The following SH3BP2 variants were observed in gnomAD, a reference collection of about 807,000 sequenced individuals.
SH3BP2 encodes SH3 domain-binding protein 2.
A neutral mutation model predicts 56.2 loss-of-function variants in SH3BP2; 38 were observed. That is an observed-to-expected ratio of 0.68 (90% CI 0.52 to 0.89). The LOEUF (loss-of-function observed/expected upper bound fraction) is 0.89. Ranked by LOEUF, SH3BP2 falls within the 40% of genes least tolerant of loss-of-function variation. SH3BP2 has a pLI of 0.00. For synonymous variants in SH3BP2, 346 were observed against 316.7 expected (o/e 1.09, Z -0.98); for missense variants, 748 against 762.6 (o/e 0.98, Z 0.23).
In SH3BP2 at chr4:2,831,958, G is replaced by A. The variant is rs139409304; in HGVS notation, c.1386G>A (p.Thr462=). ...PLPNSVFVNT[T]ESCEVERLFK... is the part of the protein sequence containing the mutation. ...CCAACTCGGTCTTCGTCAACACCACGGAGTCCTGCGAAGTGGAAAGGTCAG... is the reference window on the plus strand; with the variant it reads ...CCAACTCGGTCTTCGTCAACACCACAGAGTCCTGCGAAGTGGAAAGGTCAG... Residue 462 remains threonine (T), a synonymous_variant, in exon 10 of 13, where the codon ACG becomes ACA. Transcript: ENST00000503393. This position sits in a 1 kb window ranked among gnomAD's most constrained non-coding sequence, Gnocchi z 4.1. 6.8e-5 allele frequency: 110 copies of A among 1,612,896 alleles called. 1 individual carries two copies. The South Asian group carries it at 8.0e-4, about 12-fold the overall frequency.
At chr4:2,818,667 CG>C in intron 1 of SH3BP2, 1 of 983,152 alleles carries the variant, frequency 1.0e-6, no homozygotes, top group Non-Finnish European at 1.2e-6. Flanking sequence ...TCCTTCGGGC[CG>C]GGCGCGGTTG....
intron 1 of SH3BP2, among the ~76,000 whole-genome samples, chr4:2,815,344 G>C (rs1214058543): frequency 1.3e-5 from 2 of 152,202 alleles, no homozygotes; most frequent in Admixed American, 6.5e-5. Flanking sequence ...TCCCTGAAGC[G>C]AGGAATTCCC....
chr4:2,800,701 G>T (rs1208238896), intron 1 of SH3BP2, among the ~76,000 whole-genome samples: 1 of 152,160 alleles, frequency 6.6e-6, no homozygotes, highest in Non-Finnish European at 1.5e-5. Context: ...GGCTGTGGTG[G>T]TTGGGGACCC....
At position 2,840,793 on chromosome 4, in the gene SH3BP2, G is replaced by T. The variant is rs914910131; in HGVS notation, c.*6959G>T. Reference sequence around the variant, plus strand: ...TTTATTATAGCTATCAATCAGTTTTGGGAAAATTGACGTCTTTACAATATT... The same window carrying T: ...TTTATTATAGCTATCAATCAGTTTTTGGAAAATTGACGTCTTTACAATATT... On this transcript the variant is annotated 3_prime_UTR_variant, in exon 13 of 13. Coordinates refer to ENST00000503393, the MANE Select transcript of SH3BP2 (RefSeq NM_001122681.2). 6.6e-6 allele frequency: 1 copy of T among 152,100 alleles called. No homozygotes were observed. The highest frequency in any genetic ancestry group is 1.5e-5 in the Non-Finnish European group (1 of 68,038). The allele number at this position is 152,100 out of a possible 1,614,324, so 9.4% of individuals were successfully genotyped here. A position where few individuals can be genotyped will look rare whatever the true frequency, so the allele number is the denominator to read the frequency against.
chr4:2,798,318 G>A (rs559226291), intron 1 of SH3BP2, among the ~76,000 whole-genome samples: 3 of 152,360 alleles, frequency 2.0e-5, no homozygotes, highest in African/African-American at 7.2e-5. Context: ...TGTGCCACCA[G>A]GGCTTTGGGT....
rs753112709 is a variant in SH3BP2 at position 2,824,750 on chromosome 4, C to A, written c.357+20C>A. ...CGCAAGGTGACTGGGGGTCCGAGGA[C>A]GAGTGCAAGGTGACTGGGGGTGTGG... On this transcript the variant is annotated intron_variant, in intron 4 of 12. Transcript: ENST00000503393. 2.6e-6 allele frequency: 4 copies of A among 1,562,046 alleles called. No individual in the cohort carries two copies. In the East Asian group the frequency reaches 6.7e-5, roughly 26 times the overall value.
chr4:2,826,751 T>C, intron 5 of SH3BP2: 1 of 367,646 alleles, frequency 2.7e-6, no homozygotes, highest in South Asian at 2.0e-5. Flanking sequence ...CGCGTGTTGC[T>C]TGTGTTTGTG....
intron 8 of SH3BP2, among the ~76,000 whole-genome samples, chr4:2,830,980 G>T (rs1423174414): frequency 6.6e-6 from 1 of 152,246 alleles, no homozygotes; most frequent in African/African-American, 2.4e-5. Flanking sequence ...TTCACCAAGG[G>T]CTGCAGAGAT....
intron 1 of SH3BP2, 82 bp from the exon 2 acceptor site, chr4:2,820,532 G>C (rs541709721): frequency 6.4e-7 from 1 of 1,551,556 alleles, no homozygotes; most frequent in Admixed American, 1.7e-5. Context: ...CCTGGATCTT[G>C]GCAGTGTCCC....
chr4:2,811,715 GGGATAGAGTA>G (rs1162184227), intron 1 of SH3BP2: 1 of 155,742 alleles, frequency 6.4e-6, no homozygotes, highest in African/African-American at 2.4e-5. Flanking sequence ...GAAAAGGCTG[GGGATAGAGTA>G]GGAATCGAGG....
intron 1 of SH3BP2, among the ~76,000 whole-genome samples, chr4:2,814,144 G>A (rs1363990822): frequency 2.0e-5 from 3 of 152,346 alleles, no homozygotes; most frequent in Admixed American, 1.3e-4. Flanking sequence ...GTGTGCATGC[G>A]AGCTGTGCAG....
rs202005559 is a variant in SH3BP2 at position 2,833,685 on chromosome 4, C to T, written c.1549-12C>T. 6.2e-7 allele frequency: 1 copy of T among 1,608,810 alleles called. No homozygotes were observed. The highest frequency in any genetic ancestry group is 8.5e-7 in the Non-Finnish European group (1 of 1,177,706). On this transcript the variant is annotated splice_polypyrimidine_tract_variant and intron_variant, in intron 12 of 12. Coordinates refer to ENST00000503393, the MANE Select transcript of SH3BP2 (RefSeq NM_001122681.2). Reference sequence around the variant, plus strand: ...TGGCCCTGCTGACGCTCCCCCTTCTCTTCCCCCACAGGACTCTAAGTTCTA... The same window carrying T: ...TGGCCCTGCTGACGCTCCCCCTTCTTTTCCCCCACAGGACTCTAAGTTCTA...
chr4:2,830,624 A>G (rs1560111962), intron 8 of SH3BP2, among the ~76,000 whole-genome samples: 1 of 152,168 alleles, frequency 6.6e-6, no homozygotes, highest in Admixed American at 6.5e-5. Flanking sequence ...CGGCCTCTCA[A>G]AGTGTAGAGA....
At chr4:2,825,375 C>T (rs898126862) in intron 5 of SH3BP2, among the ~76,000 whole-genome samples, 179 bp downstream of exon 5, 2 of 152,128 alleles carry the variant, frequency 1.3e-5, no homozygotes, top group Non-Finnish European at 1.5e-5. Context: ...AGATACAGGA[C>T]AAGCACAGAT....
chr4:2,824,610 C>A lies in SH3BP2; in HGVS notation c.240-3C>A. The A allele has an allele frequency of 6.2e-7, 1 of 1,612,296 alleles. No individual in the cohort carries two copies. ...GCCGTGACCCCTGGCGCTGTGCCCC[C>A]AGGGTGATGCGGGCGGCTGAGGAGA... On this transcript the variant is annotated splice_polypyrimidine_tract_variant and splice_region_variant and intron_variant, in intron 3 of 12. Coordinates refer to ENST00000503393, the MANE Select transcript of SH3BP2 (RefSeq NM_001122681.2).
intron 1 of SH3BP2, among the ~76,000 whole-genome samples, chr4:2,819,630 G>A (rs1406011363): frequency 6.6e-6 from 1 of 152,154 alleles, no homozygotes; most frequent in Non-Finnish European, 1.5e-5. Context: ...GGCAGGCACA[G>A]ACCAAACAGT....
At chr4:2,793,879 C>T (rs1313737916) in intron 1 of SH3BP2, 1 of 152,326 alleles carries the variant, frequency 6.6e-6, no homozygotes, top group African/African-American at 2.4e-5. Flanking sequence ...GCTGGCCTCC[C>T]TGCAGCCCAG....
At chr4:2,802,655 A>G (rs1254348304) in intron 1 of SH3BP2, among the ~76,000 whole-genome samples, 2 of 144,848 alleles carry the variant, frequency 1.4e-5, no homozygotes, top group East Asian at 2.0e-4. Flanking sequence ...ATATATATGT[A>G]TATGTGTGTG....
At position 2,841,049 on chromosome 4, in the gene SH3BP2, T is replaced by C. The variant is rs577197876; in HGVS notation, c.*7215T>C. 3.3e-4 allele frequency: 50 copies of C among 152,326 alleles called. No individual in the cohort carries two copies. The highest frequency in any genetic ancestry group is 1.2e-3 in the African/African-American group (49 of 41,578). 9.4% of individuals were successfully genotyped at this position (152,326 alleles called of 1,614,324 possible). On this transcript the variant is annotated 3_prime_UTR_variant, in exon 13 of 13. Coordinates refer to ENST00000503393, the MANE Select transcript of SH3BP2 (RefSeq NM_001122681.2). ...CTTGTCTTTTAACTGGAGCATTTTGTCCATTGTGTATTTAATGTAATTAAA... is the reference window on the plus strand; with the variant it reads ...CTTGTCTTTTAACTGGAGCATTTTGCCCATTGTGTATTTAATGTAATTAAA...
Sources: gnomAD v4.1 joint callset for allele counts (sites outside exome capture counted in the v4.1 genomes callset) on GRCh38, gnomAD v4.1.1 for gene constraint, Gnocchi (gnomAD v3.1) non-coding constraint, MANE v1.5 for transcripts, NCBI Gene and HGNC (gene_info 2026-07-23, HGNC 2026-07-21) for gene names.